Variants in PTPRT observed in about 807,000 individuals in gnomAD.
PTPRT encodes the protein receptor-type tyrosine-protein phosphatase T.
A neutral mutation model predicts 176.8 loss-of-function variants in PTPRT; 56 were observed. That is an observed-to-expected ratio of 0.32 (90% CI 0.26 to 0.40). The LOEUF is 0.40. PTPRT is among the 10% of genes least tolerant of loss of function. The pLI, the probability that PTPRT is intolerant of heterozygous loss-of-function variation, is 1.00. For synonymous variants in PTPRT, 783 were observed against 739.0 expected, an observed-to-expected ratio of 1.06 and a Z score of -0.96; for missense variants, 1,540 against 1,908.2, an observed-to-expected ratio of 0.81 and a Z score of 3.60.
chr20:43,006,924 C>G (rs2146142360), intron 1 of PTPRT, among the ~76,000 whole-genome samples: 1 of 152,282 alleles, frequency 6.6e-6, no homozygotes, highest in Non-Finnish European at 1.5e-5. Context: ...TGAGACCACA[C>G]ACAGTAAGTG....
At chr20:43,086,395 A>C (rs556329751) in intron 1 of PTPRT, among the ~76,000 whole-genome samples, 6 of 152,350 alleles carry the variant, frequency 3.9e-5, no homozygotes. Flanking sequence ...ACATTTTACA[A>C]AAGAATAACT....
At chr20:42,306,571 C>A (rs1490437615) in intron 12 of PTPRT, among the ~76,000 whole-genome samples, 1 of 152,154 alleles carries the variant, frequency 6.6e-6, no homozygotes, top group African/African-American at 2.4e-5. Context: ...CAGGGCTCTG[C>A]AGAGCTAATA....
Position 42,672,703 on chromosome 20 carries a change from C to G in PTPRT, c.1153+5163G>C, listed in dbSNP as rs146699938. Among the ~76,000 whole-genome samples the G allele has an allele frequency of 3.5e-3, 538 of 152,300 alleles. 3 individuals carry two copies. The highest frequency in any genetic ancestry group is 0.012 in the African/African-American group (517 of 41,568). Reference sequence around the variant, plus strand: ...GCGCTACAGGCAAACACTTGACAATCTCCCCCTTAAGGGTTAAGGAGGAGG... The same window carrying G: ...GCGCTACAGGCAAACACTTGACAATGTCCCCCTTAAGGGTTAAGGAGGAGG... On this transcript the variant is annotated intron_variant, in intron 7 of 30. Transcript: ENST00000373187.
At chr20:42,376,692 T>G (rs926952011) in intron 9 of PTPRT, among the ~76,000 whole-genome samples, 1 of 151,476 alleles carries the variant, frequency 6.6e-6, no homozygotes, top group Non-Finnish European at 1.5e-5. Flanking sequence ...GAAATGGGAG[T>G]AAGAAGCTCC....
At chr20:42,973,022 C>T (rs1488861684) in intron 1 of PTPRT, among the ~76,000 whole-genome samples, 1 of 151,814 alleles carries the variant, frequency 6.6e-6, no homozygotes, top group Non-Finnish European at 1.5e-5. Context: ...TGAACAGCTG[C>T]ATGAAGAATA....
In PTPRT at chr20:42,082,809, C is replaced by T. The variant is rs544338133; in HGVS notation, c.4137-792G>A. ...ATATGCCTGATTCAGAACTCCTGGG[C>T]GTGTTGCCAAGAGCAACTAATGATT... On this transcript the variant is annotated intron_variant, in intron 29 of 30. Coordinates refer to ENST00000373187, the MANE Select transcript of PTPRT (RefSeq NM_007050.6). Among the ~76,000 whole-genome samples the T allele has an allele frequency of 5.9e-5, 9 of 152,288 alleles. No individual in the cohort carries two copies. The East Asian group carries it at 9.7e-4, about 16-fold the overall frequency.
intron 1 of PTPRT, among the ~76,000 whole-genome samples, chr20:42,931,168 T>C (rs1979824004): frequency 6.6e-6 from 1 of 152,168 alleles, no homozygotes; most frequent in Non-Finnish European, 1.5e-5. Flanking sequence ...ATTCACGTGT[T>C]GAAGCTCTAA....
chr20:42,525,245 C>T (rs547423659), intron 7 of PTPRT, among the ~76,000 whole-genome samples: 5 of 152,264 alleles, frequency 3.3e-5, no homozygotes, highest in East Asian at 1.9e-4. Flanking sequence ...CTCAGCCTCC[C>T]GAAGTGCTAG....
At chr20:43,047,836 T>C (rs895793887) in intron 1 of PTPRT, among the ~76,000 whole-genome samples, 2 of 152,158 alleles carry the variant, frequency 1.3e-5, no homozygotes, top group Non-Finnish European at 2.9e-5. Context: ...GGTTCTTTTG[T>C]CCCTACTGCA....
At chr20:43,022,738 G>T (rs1340998431) in intron 1 of PTPRT, among the ~76,000 whole-genome samples, 1 of 152,156 alleles carries the variant, frequency 6.6e-6, no homozygotes, top group African/African-American at 2.4e-5. Flanking sequence ...GTGGCCAAAT[G>T]AGGAGGATGT....
At chr20:42,833,308 T>C (rs762865086) in intron 2 of PTPRT, among the ~76,000 whole-genome samples, 5 of 150,150 alleles carry the variant, frequency 3.3e-5, no homozygotes, top group Non-Finnish European at 4.4e-5. Context: ...TGAAGGTTCA[T>C]GCTTGTAAAT....
At chr20:42,487,523 A>T (rs894829735) in intron 7 of PTPRT, among the ~76,000 whole-genome samples, 1 of 152,160 alleles carries the variant, frequency 6.6e-6, no homozygotes, top group South Asian at 2.1e-4. Flanking sequence ...TGAACTGGGG[A>T]TATGATCCTG....
intron 11 of PTPRT, among the ~76,000 whole-genome samples, chr20:42,324,590 T>C (rs914105393): frequency 2.6e-5 from 4 of 152,234 alleles, no homozygotes; most frequent in African/African-American, 9.6e-5. Flanking sequence ...CAAAAGTCTA[T>C]GCTTTGGCAT....
At chr20:42,463,968 C>T (rs1028050909) in intron 8 of PTPRT, among the ~76,000 whole-genome samples, 6 of 152,070 alleles carry the variant, frequency 3.9e-5, no homozygotes, top group African/African-American at 1.4e-4. Context: ...TTGTATGCTA[C>T]TAAATGTTTC....
chr20:42,249,326 CA>C (rs1234485764), intron 13 of PTPRT, among the ~76,000 whole-genome samples: 1 of 152,040 alleles, frequency 6.6e-6, no homozygotes, highest in Admixed American at 6.6e-5. Flanking sequence ...AATGGTAGGG[CA>C]AAAAGTTTGT....
intron 1 of PTPRT, among the ~76,000 whole-genome samples, chr20:43,028,770 AAG>A (rs1171962257): frequency 3.9e-5 from 6 of 152,338 alleles, no homozygotes; most frequent in African/African-American, 1.4e-4. Context: ...TAGGAGCAGC[AAG>A]AGCTAAGTTG....
chr20:42,462,668 A>G (rs2071040017), intron 8 of PTPRT, among the ~76,000 whole-genome samples: 1 of 152,172 alleles, frequency 6.6e-6, no homozygotes, highest in African/African-American at 2.4e-5. Context: ...GTTAGAGGTT[A>G]TTTAAAAGTG....
chr20:42,611,212 C>T (rs1365758562), intron 7 of PTPRT, among the ~76,000 whole-genome samples: 2 of 152,184 alleles, frequency 1.3e-5, no homozygotes, highest in African/African-American at 4.8e-5. Flanking sequence ...GAGCATGGAA[C>T]TGTACATTTA....
intron 16 of PTPRT, among the ~76,000 whole-genome samples, chr20:42,172,273 A>C (rs998339896): frequency 1.3e-5 from 2 of 152,254 alleles, no homozygotes; most frequent in Non-Finnish European, 2.9e-5. Flanking sequence ...AGGAGCTGAA[A>C]AAAAACAGCA....
Sources: gnomAD v4.1 joint callset for allele counts (sites outside exome capture counted in the v4.1 genomes callset) on GRCh38, gnomAD v4.1.1 for gene constraint, MANE v1.5 for transcripts, NCBI Gene and HGNC (gene_info 2026-07-23, HGNC 2026-07-21) for gene names.